The following DARS1 variants were observed in gnomAD, a reference collection of about 807,000 sequenced individuals.
DARS1 encodes the protein aspartate--tRNA ligase, cytoplasmic.
Under a neutral mutation model 68.8 loss-of-function variants are expected in DARS1, and 51 were observed. That is an observed-to-expected ratio of 0.74 (90% CI 0.59 to 0.94). DARS1 has a LOEUF of 0.94. Among genes scored for constraint, DARS1 ranks in the 40% least tolerant of loss-of-function variants. The pLI is 0.00. For missense variants in DARS1, 607 were observed against 597.3 expected, an observed-to-expected ratio of 1.02 and a Z score of -0.17; for synonymous variants, 203 against 190.4, an observed-to-expected ratio of 1.07 and a Z score of -0.55.
intron 6 of DARS1, 112 bp from the exon 7 acceptor site, chr2:135,932,954 G>A (rs548541111): frequency 3.0e-5 from 18 of 593,344 alleles, no homozygotes; most frequent in African/African-American, 2.1e-4. Flanking sequence ...ATGTGTGTAC[G>A]TTAATATTAT....
chr2:135,916,394 T>G (rs1296727395), intron 10 of DARS1, 22 bp from the exon 11 acceptor site: 1 of 1,391,228 alleles, frequency 7.2e-7, no homozygotes, highest in South Asian at 1.2e-5. Flanking sequence ...ATGATTTAGT[T>G]AATAAAATGT....
At chr2:135,980,291 T>A (rs1213120409) in intron 2 of DARS1, 1 of 152,248 alleles carries the variant, frequency 6.6e-6, no homozygotes, top group South Asian at 2.1e-4. Flanking sequence ...TCATTTTTGC[T>A]ACTCTTCTAA....
chr2:135,920,727 G>A, intron 9 of DARS1, 127 bp from the exon 10 acceptor site: 1 of 1,201,780 alleles, frequency 8.3e-7, no homozygotes, highest in Non-Finnish European at 1.1e-6. Context: ...GGGCTGGAAG[G>A]ACCTCTGATG....
chr2:135,964,396 G>A (rs918575916), intron 3 of DARS1, among the ~76,000 whole-genome samples: 1 of 152,170 alleles, frequency 6.6e-6, no homozygotes. Flanking sequence ...CAGAAGAAAG[G>A]TAAGGGCTGA....
chr2:135,978,311 T>C (rs1444125128), intron 3 of DARS1, among the ~76,000 whole-genome samples: 1 of 152,192 alleles, frequency 6.6e-6, no homozygotes, highest in Non-Finnish European at 1.5e-5. Flanking sequence ...GCTATTATCA[T>C]GGGACATATT....
chr2:135,954,419 G>A (rs1351172008), intron 4 of DARS1, among the ~76,000 whole-genome samples: 7 of 151,762 alleles, frequency 4.6e-5, no homozygotes, highest in Admixed American at 3.3e-4. Context: ...ACACCTCATG[G>A]GGCTGTTGTG....
chr2:135,980,030 A>G (rs996576670), intron 2 of DARS1, among the ~76,000 whole-genome samples: 4 of 152,212 alleles, frequency 2.6e-5, no homozygotes, highest in African/African-American at 4.8e-5. Context: ...AAGGAGGCCA[A>G]TATCCTAAAG....
intron 13 of DARS1, chr2:135,911,729 C>A (rs555715157): frequency 2.7e-6 from 1 of 371,644 alleles, no homozygotes; most frequent in African/African-American, 2.1e-5. Flanking sequence ...AGCATCACAT[C>A]TAATTTTTAA....
chr2:135,975,292 C>G (rs369287887), intron 3 of DARS1, among the ~76,000 whole-genome samples: 2 of 151,996 alleles, frequency 1.3e-5, no homozygotes, highest in Non-Finnish European at 2.9e-5. Flanking sequence ...TTGCAGTGAG[C>G]GGAGACTGTG....
At chr2:135,964,352 T>C (rs958873311) in intron 3 of DARS1, among the ~76,000 whole-genome samples, 1 of 152,118 alleles carries the variant, frequency 6.6e-6, no homozygotes, top group African/African-American at 2.4e-5. Context: ...AGAATAAAAA[T>C]TTTTTAAGAG....
At chr2:135,921,425 G>A (rs1456828182) in intron 9 of DARS1, among the ~76,000 whole-genome samples, 1 of 151,892 alleles carries the variant, frequency 6.6e-6, no homozygotes, top group Non-Finnish European at 1.5e-5. Flanking sequence ...CTCCATCTCT[G>A]TTGTCTATAT....
At chr2:135,921,386 T>C (rs116013288) in intron 9 of DARS1, among the ~76,000 whole-genome samples, 188 of 152,232 alleles carry the variant, frequency 1.2e-3, no homozygotes, top group African/African-American at 4.3e-3. Flanking sequence ...TAGTTCTTGC[T>C]CTTTACTTAC....
At chr2:135,961,373 A>T in intron 4 of DARS1, 23 bp downstream of exon 4, 1 of 1,013,328 alleles carries the variant, frequency 9.9e-7, no homozygotes, top group Non-Finnish European at 1.6e-6. Flanking sequence ...TATTCTGACA[A>T]CAGGATATAA....
At chr2:135,920,984 G>A (rs867846225) in intron 9 of DARS1, among the ~76,000 whole-genome samples, 3 of 151,516 alleles carry the variant, frequency 2.0e-5, no homozygotes, top group East Asian at 2.0e-4. Flanking sequence ...AGTAACATAC[G>A]TATTCCATTT....
rs1260309027 is a variant in DARS1, at chr2:135,937,235, C to A, written c.424-3245G>T. 2.6e-5 allele frequency among the ~76,000 whole-genome samples: 4 copies of A among 152,002 alleles called. No homozygotes were observed. In the South Asian group the frequency reaches 6.2e-4, roughly 24 times the overall value. ...TCCTGAGTAGCTGGGATTGCATGCA[C>A]CTGCCACCACGCCTGGCTAATTTTT... On this transcript the variant is annotated intron_variant, in intron 5 of 15. Transcript: ENST00000264161.
Position 135,924,408 on chromosome 2 carries a change from G to C in DARS1, c.655C>G (p.Gln219Glu). 21 of 1,598,462 alleles carry C rather than the reference G, an allele frequency of 1.3e-5. No homozygotes were observed. Among genetic ancestry groups the C allele is most frequent in the Non-Finnish European group, 1.7e-5 (20 of 1,175,896 alleles). The part of the protein sequence containing the change: ...TLINKGFVEI[Q>E]TPKIISAASE... ...ATACCTGAAATAATTTTAGGAGTTT[G>C]GATTTCCACAAAACCTTTGTTAATT... The change falls in exon 8 of 16, where the codon CAA (glutamine) becomes GAA (glutamate). Residue 219 changes from glutamine (Q) to glutamate (E), a missense_variant. By Grantham distance (29) the Gln-to-Glu change is conservative. Transcript: ENST00000264161.
chr2:135,933,321 T>C (rs1398591583), intron 6 of DARS1, among the ~76,000 whole-genome samples: 4 of 152,240 alleles, frequency 2.6e-5, no homozygotes, highest in Non-Finnish European at 1.5e-5. Context: ...TCTTCATGAG[T>C]ATACTGAGCA....
At chr2:135,970,697 T>G (rs1682350274) in intron 3 of DARS1, among the ~76,000 whole-genome samples, 1 of 151,606 alleles carries the variant, frequency 6.6e-6, no homozygotes, top group South Asian at 2.1e-4. Context: ...TAAACAAAAA[T>G]GACAAGCTTT....
At chr2:135,936,833 A>G (rs532883642) in intron 5 of DARS1, among the ~76,000 whole-genome samples, 1 of 152,286 alleles carries the variant, frequency 6.6e-6, no homozygotes, top group Admixed American at 6.5e-5. Flanking sequence ...GCTAAATACA[A>G]TGTTACTCTT....
Sources: gnomAD v4.1 joint callset for allele counts (sites outside exome capture counted in the v4.1 genomes callset) on GRCh38, gnomAD v4.1.1 for gene constraint, MANE v1.5 for transcripts, NCBI Gene and HGNC (gene_info 2026-07-23, HGNC 2026-07-21) for gene names.